Variants in WNK1 observed in about 807,000 individuals in gnomAD.
WNK1 encodes serine/threonine-protein kinase WNK1.
A neutral mutation model predicts 222.8 loss-of-function variants in WNK1; 38 were observed. The ratio of observed to expected loss-of-function variants is 0.17; its 90% CI spans 0.13 to 0.22. WNK1 has a LOEUF of 0.22. WNK1 is among the 10% of genes least tolerant of loss of function. The pLI, the probability that WNK1 is intolerant of heterozygous loss-of-function variation, is 1.00. For missense variants in WNK1, 2,348 were observed against 2,918.4 expected, an observed-to-expected ratio of 0.80 and a Z score of 4.50; for synonymous variants, 1,090 against 1,092.9, an observed-to-expected ratio of 1.00 and a Z score of 0.05.
intron 22 of WNK1, 107 bp downstream of exon 22, chr12:890,620 A>G: frequency 8.9e-7 from 1 of 1,127,436 alleles, no homozygotes; most frequent in Non-Finnish European, 1.3e-6. Flanking sequence ...TTGATAACTG[A>G]GGAGCATTGG....
chr12:807,771 G>C (rs1279764415), intron 1 of WNK1, among the ~76,000 whole-genome samples: 1 of 141,624 alleles, frequency 7.1e-6, no homozygotes, highest in East Asian at 2.1e-4. Flanking sequence ...CCAGGCTGGA[G>C]TGCAGTGGCG....
chr12:863,095 A>T (rs896785144), intron 8 of WNK1, among the ~76,000 whole-genome samples: 1 of 151,506 alleles, frequency 6.6e-6, no homozygotes, highest in Non-Finnish European at 1.5e-5. Flanking sequence ...GGTATTAGAA[A>T]ATAAGTAACT....
intron 4 of WNK1, among the ~76,000 whole-genome samples, chr12:850,654 T>A (rs1484592252): frequency 6.6e-6 from 1 of 152,266 alleles, no homozygotes; most frequent in East Asian, 1.9e-4. Flanking sequence ...CATGCCTATG[T>A]CCTGAATGGT....
chr12:789,313 G>A lies in WNK1; in HGVS notation c.760-24329G>A, dbSNP rs111469137. ...GTGCTTCAGTGAGAAGCTTAACAGTGTACTATGTATAGGTAGATAAGAATA... is the reference window on the plus strand; with the variant it reads ...GTGCTTCAGTGAGAAGCTTAACAGTATACTATGTATAGGTAGATAAGAATA... On this transcript the variant is annotated intron_variant, in intron 1 of 27. Transcript: ENST00000315939. 4.8e-4 allele frequency among the ~76,000 whole-genome samples: 73 copies of A among 152,244 alleles called. 2 individuals carry two copies. The highest frequency in any genetic ancestry group is 1.7e-3 in the African/African-American group (72 of 41,550).
In WNK1 at chr12:862,232, C is replaced by G. The variant is rs1179028652; in HGVS notation, c.2101C>G (p.Gln701Glu). The change falls in exon 8 of 28, where the codon CAG (glutamine) becomes GAG (glutamate). Residue 701 changes from glutamine to glutamate, a missense_variant. Around this residue, in one of 13 missense-constraint regions of WNK1, gnomAD observed 547 missense variants for 558.3 expected, o/e 0.98. Coordinates refer to ENST00000315939, the MANE Select transcript of WNK1 (RefSeq NM_018979.4). ...PGHIPSTVQA[Q>E]SQPHGVYPPS... ...GCATATACCTTCTACTGTCCAAGCA[C>G]AGTCTCAGCCCCATGGGGTATATCC... is the stretch of plus-strand genomic sequence containing the variant. The G allele has an allele frequency of 6.2e-7, 1 of 1,614,104 alleles. No homozygotes were observed. Among genetic ancestry groups the G allele is most frequent in the East Asian group, 2.2e-5 (1 of 44,880 alleles).
At chr12:770,583 G>A (rs578050279) in intron 1 of WNK1, among the ~76,000 whole-genome samples, 5 of 152,108 alleles carry the variant, frequency 3.3e-5, no homozygotes, top group Non-Finnish European at 5.9e-5. Flanking sequence ...TGCTGTGAAA[G>A]TTGATGCTAC....
At chr12:846,682 T>G (rs1166687302) in intron 4 of WNK1, among the ~76,000 whole-genome samples, 2 of 152,250 alleles carry the variant, frequency 1.3e-5, no homozygotes, top group African/African-American at 2.4e-5. Flanking sequence ...TAATTTGACT[T>G]TGTCACTGAT....
rs768710019 is a variant in WNK1, at chr12:871,245, T to C, written c.2140-20T>C. On this transcript the variant is annotated intron_variant, in intron 8 of 27. Coordinates refer to ENST00000315939, the MANE Select transcript of WNK1 (RefSeq NM_018979.4). ...ACTTTAGGCCTTCTCTAATTTGTTG[T>C]GTTCACTTCTTTCCTTCAGGCACAG... is the stretch of plus-strand genomic sequence containing the variant. The C allele has an allele frequency of 2.0e-5, 32 of 1,612,402 alleles. 1 individual carries two copies. In the South Asian group the frequency reaches 3.5e-4, roughly 18 times the overall value.
chr12:840,500 A>G (rs1949546066), intron 4 of WNK1, among the ~76,000 whole-genome samples: 1 of 152,152 alleles, frequency 6.6e-6, no homozygotes, highest in Admixed American at 6.5e-5. Flanking sequence ...CGAAAACTAC[A>G]TGAAATTCAA....
intron 20 of WNK1, 43 bp from the exon 21 acceptor site, chr12:889,097 A>C: frequency 1.3e-6 from 2 of 1,529,996 alleles, no homozygotes; most frequent in Non-Finnish European, 1.8e-6. Flanking sequence ...CGTGACTCTG[A>C]AGGTGCCACG....
At chr12:850,112 T>A (rs1950309314) in intron 4 of WNK1, among the ~76,000 whole-genome samples, 1 of 152,200 alleles carries the variant, frequency 6.6e-6, no homozygotes, top group Non-Finnish European at 1.5e-5. Flanking sequence ...CAAATGGTAT[T>A]TCTAGTTCTA....
chr12:773,594 T>G (rs1942784417), intron 1 of WNK1, among the ~76,000 whole-genome samples: 1 of 152,164 alleles, frequency 6.6e-6, no homozygotes, highest in Admixed American at 6.5e-5. Flanking sequence ...GATATAGCAT[T>G]TAGAATGTTT....
At position 827,498 on chromosome 12, in the gene WNK1, A is replaced by G. The variant is rs556282949; in HGVS notation, c.1153+236A>G. 6.8e-5 allele frequency: 39 copies of G among 577,614 alleles called. No homozygotes were observed. In the Middle Eastern group the frequency reaches 1.3e-3, roughly 20 times the overall value. The allele number at this position is 577,614 out of a possible 1,614,324, so 35.8% of individuals were successfully genotyped here. ...AAGAAATAAAGTGAACTTTGTTGAT[A>G]AAACCTAATGTAATAGCCTTTTTTG... On this transcript the variant is annotated intron_variant, in intron 3 of 27. Coordinates refer to ENST00000315939, the MANE Select transcript of WNK1 (RefSeq NM_018979.4). This position sits in a 1 kb window ranked among gnomAD's most constrained non-coding sequence, Gnocchi z 4.6.
chr12:886,634 G>A (rs1953687535), intron 19 of WNK1, among the ~76,000 whole-genome samples: 1 of 152,120 alleles, frequency 6.6e-6, no homozygotes, highest in Non-Finnish European at 1.5e-5. Flanking sequence ...CTCTTGTTCT[G>A]CCACCTTCTC....
intron 5 of WNK1, among the ~76,000 whole-genome samples, chr12:858,800 A>G (rs1950978024): frequency 1.3e-5 from 2 of 152,186 alleles, no homozygotes; most frequent in Non-Finnish European, 1.5e-5. Context: ...TGGTCAGACA[A>G]GATCATAAAT....
rs568949013 is a variant in WNK1, at chr12:781,197, G to A, written c.759+26873G>A. ...ACATAGTGAGGGCAGTACTGCTAAC[G>A]CCTACATAACATGCCTGCATCATCT... On this transcript the variant is annotated intron_variant, in intron 1 of 27. Coordinates refer to ENST00000315939, the MANE Select transcript of WNK1 (RefSeq NM_018979.4). The A allele has an allele frequency of 1.7e-4, 27 of 155,768 alleles. 1 individual carries two copies. The South Asian group carries it at 1.8e-3, about 10-fold the overall frequency. 9.6% of individuals were successfully genotyped at this position (155,768 alleles called of 1,614,324 possible). A position where few individuals can be genotyped will look rare whatever the true frequency, so the allele number is the denominator to read the frequency against.
In WNK1 at chr12:753,303, C is replaced by A. The variant is rs886049863; in HGVS notation, c.-263C>A. On this transcript the variant is annotated 5_prime_UTR_variant, in exon 1 of 28. Coordinates refer to ENST00000315939, the MANE Select transcript of WNK1 (RefSeq NM_018979.4). This position sits in a 1 kb window ranked among gnomAD's most constrained non-coding sequence, Gnocchi z 5.2. ...GGATGCGGACCGTGCGGCGCTAACC[C>A]CCGTGGCTCAGCTCCCGAATCGCCC... The A allele has an allele frequency of 7.0e-5, 38 of 545,518 alleles. No homozygotes were observed. Among genetic ancestry groups the A allele is most frequent in the Non-Finnish European group, 1.1e-4 (33 of 308,132 alleles). The allele number at this position is 545,518 out of a possible 1,614,324, so 33.8% of individuals were successfully genotyped here.
chr12:829,896 A>C, intron 3 of WNK1, 107 bp from the exon 4 acceptor site: 1 of 1,205,182 alleles, frequency 8.3e-7, no homozygotes, highest in Non-Finnish European at 1.2e-6. Flanking sequence ...TTTTCTCCCC[A>C]TTCCAATTTC....
At chr12:908,170 C>A in intron 27 of WNK1, 136 bp downstream of exon 27, 1 of 1,118,910 alleles carries the variant, frequency 8.9e-7, no homozygotes, top group Non-Finnish European at 1.3e-6. Flanking sequence ...AGGCAAAAAT[C>A]CCCCAGGTAC....
Sources: allele counts gnomAD v4.1 joint callset (sites outside exome capture counted in the v4.1 genomes callset), GRCh38; gene constraint gnomAD v4.1.1; regional missense constraint gnomAD v4.1.1; non-coding constraint Gnocchi (gnomAD v3.1); transcripts MANE v1.5; gene names NCBI Gene and HGNC (gene_info 2026-07-23, HGNC 2026-07-21).